Variants in NOL4L observed in about 807,000 individuals in gnomAD.
NOL4L encodes nucleolar protein 4 like, also known as nucleolar protein 4-like.
NOL4L carries 7 observed loss-of-function variants against 64.5 expected under a neutral mutation model. That is an observed-to-expected ratio of 0.11 (90% CI 0.06 to 0.20). NOL4L has a LOEUF of 0.20. Ranked by LOEUF, NOL4L falls within the 10% of genes least tolerant of loss-of-function variation. The pLI, the probability that NOL4L is intolerant of heterozygous loss-of-function variation, is 1.00. For synonymous variants in NOL4L, 413 were observed against 401.0 expected (o/e 1.03, Z -0.36); for missense variants, 680 against 967.1 (o/e 0.70, Z 3.94).
chr20:32,487,200 A>G (rs1239120808), intron 4 of NOL4L, among the ~76,000 whole-genome samples: 1 of 152,134 alleles, frequency 6.6e-6, no homozygotes, highest in African/African-American at 2.4e-5. Flanking sequence ...CCCAGGAAGC[A>G]GAGGTTGCAG....
Position 32,463,267 on chromosome 20 carries a change from T to A in NOL4L, c.842-6872A>T, listed in dbSNP as rs1433809673. ...TGGAGCTGGAAGTGGAACCTAAGGG[T>A]GCCCAGGTGACCTCTTGTCCCCACC... On this transcript the variant is annotated intron_variant, in intron 5 of 10. Transcript: ENST00000621426. This position sits in a 1 kb window ranked among gnomAD's most constrained non-coding sequence, Gnocchi z 5.8. 6.6e-6 allele frequency among the ~76,000 whole-genome samples: 1 copy of A among 152,060 alleles called. No individual in the cohort carries two copies. The highest frequency in any genetic ancestry group is 2.4e-5 in the African/African-American group (1 of 41,416).
intron 3 of NOL4L, among the ~76,000 whole-genome samples, chr20:32,517,178 A>C (rs2017706255): frequency 6.6e-6 from 1 of 152,156 alleles, no homozygotes; most frequent in Non-Finnish European, 1.5e-5. Context: ...GAGACCGCTG[A>C]GCAAAGGAGG....
At chr20:32,573,665 C>A in intron 1 of NOL4L, 1 of 220,130 alleles carries the variant, frequency 4.5e-6, no homozygotes, top group East Asian at 1.2e-4. Flanking sequence ...GGGGAAGTAA[C>A]TTACCCAAGA....
intron 1 of NOL4L, among the ~76,000 whole-genome samples, chr20:32,553,104 C>T (rs555551384): frequency 6.6e-6 from 1 of 152,290 alleles, no homozygotes; most frequent in African/African-American, 2.4e-5. Flanking sequence ...AAGGTTTCAG[C>T]ACCGCCCCAT....
chr20:32,448,087 C>T (rs952394507), intron 10 of NOL4L, among the ~76,000 whole-genome samples: 1 of 152,170 alleles, frequency 6.6e-6, no homozygotes, highest in Admixed American at 6.5e-5. Context: ...AAAGGAACTC[C>T]TAAGATCTGC....
At chr20:32,541,479 C>T (rs1417594801) in intron 1 of NOL4L, among the ~76,000 whole-genome samples, 1 of 152,240 alleles carries the variant, frequency 6.6e-6, no homozygotes, top group Non-Finnish European at 1.5e-5. Flanking sequence ...GAGCCAAGCT[C>T]CAGCCACCTT....
intron 4 of NOL4L, among the ~76,000 whole-genome samples, chr20:32,486,293 C>T (rs2016083643): frequency 6.6e-6 from 1 of 152,202 alleles, no homozygotes; most frequent in African/African-American, 2.4e-5. Flanking sequence ...ATCGGGTGAC[C>T]TAGTTTCTTG....
Position 32,460,541 on chromosome 20 carries a change from C to T in NOL4L, c.842-4146G>A, listed in dbSNP as rs1207396890. 6.6e-6 allele frequency among the ~76,000 whole-genome samples: 1 copy of T among 152,222 alleles called. No homozygotes were observed. Among genetic ancestry groups the T allele is most frequent in the Non-Finnish European group, 1.5e-5 (1 of 68,036 alleles). On this transcript the variant is annotated intron_variant, in intron 5 of 10. Coordinates refer to ENST00000621426, the MANE Select transcript of NOL4L (RefSeq NM_001256798.2). This position sits in a 1 kb window ranked among gnomAD's most constrained non-coding sequence, Gnocchi z 5.7. ...AGGCTACTCCACCTTCTGGAGCCTC[C>T]GTTTCCTTTCAGAGTGGGTCCCACA...
chr20:32,567,472 G>A (rs1324578613), intron 1 of NOL4L, among the ~76,000 whole-genome samples: 1 of 152,156 alleles, frequency 6.6e-6, no homozygotes, highest in Admixed American at 6.5e-5. Flanking sequence ...GAGGAGCCAG[G>A]GCACCATTTG....
At chr20:32,547,167 G>A (rs1460937833) in intron 1 of NOL4L, among the ~76,000 whole-genome samples, 1 of 152,184 alleles carries the variant, frequency 6.6e-6, no homozygotes, top group Non-Finnish European at 1.5e-5. Flanking sequence ...AGCCCCAGGA[G>A]GTTGGGACAA....
At chr20:32,480,569 C>T (rs1917166200) in intron 4 of NOL4L, among the ~76,000 whole-genome samples, 1 of 152,162 alleles carries the variant, frequency 6.6e-6, no homozygotes, top group African/African-American at 2.4e-5. Context: ...AGGCCCCTTC[C>T]AGGCCCTGGA....
At chr20:32,481,835 G>A (rs1411407365) in intron 4 of NOL4L, among the ~76,000 whole-genome samples, 3 of 152,136 alleles carry the variant, frequency 2.0e-5, no homozygotes, top group East Asian at 3.9e-4. Flanking sequence ...TCCAGAATCC[G>A]GCCTGTGTCA....
chr20:32,500,561 G>A (rs1375769505), intron 4 of NOL4L, among the ~76,000 whole-genome samples: 2 of 136,166 alleles, frequency 1.5e-5, no homozygotes, highest in African/African-American at 2.7e-5. Flanking sequence ...TTTTTTACTA[G>A]AGACATGGTT....
chr20:32,470,017 C>T (rs189829216), intron 5 of NOL4L, among the ~76,000 whole-genome samples: 141 of 152,366 alleles, frequency 9.3e-4, no homozygotes, highest in African/African-American at 3.3e-3. Context: ...CTGAGAGGCG[C>T]ACACACCAGG....
At chr20:32,556,278 G>C (rs559946790) in intron 1 of NOL4L, among the ~76,000 whole-genome samples, 46 of 152,142 alleles carry the variant, frequency 3.0e-4, no homozygotes, top group Non-Finnish European at 5.1e-4. Context: ...CCTTTGTGGG[G>C]GGGGGGGGTT....
chr20:32,512,031 A>G (rs895306430), intron 3 of NOL4L, among the ~76,000 whole-genome samples: 26 of 151,922 alleles, frequency 1.7e-4, no homozygotes, highest in African/African-American at 6.3e-4. Flanking sequence ...AAACAAAAAA[A>G]CCCAGCAAAC....
At position 32,456,338 on chromosome 20, in the gene NOL4L, G is replaced by A. The variant is rs370229637; in HGVS notation, c.899C>T (p.Thr300Met). The change falls in exon 6 of 11, where the codon ACG (threonine) becomes ATG (methionine). Residue 300 changes from threonine (T) to methionine (M), a missense_variant. By Grantham distance (81) the Thr-to-Met change is moderately conservative. Transcript: ENST00000621426. Reference protein sequence around the residue: ...GNGSSTLNPSTSSSTQGDPAF... With the variant: ...GNGSSTLNPSMSSSTQGDPAF... ...AGGGTCGCCCTGCGTGCTGCTCGAC[G>A]TGGATGGGTTCAGGGTGGAGGAGCC... 9.7e-6 allele frequency: 15 copies of A among 1,543,774 alleles called. No homozygotes were observed. The highest frequency in any genetic ancestry group is 1.2e-5 in the Non-Finnish European group (14 of 1,141,702).
chr20:32,463,751 C>T lies in NOL4L; in HGVS notation c.842-7356G>A, dbSNP rs1415150407. On this transcript the variant is annotated intron_variant, in intron 5 of 10. Transcript: ENST00000621426. The surrounding 1 kb of genome is among the most constrained non-coding windows in gnomAD (Gnocchi z 5.8). ...ATGTGGGCGCCAGTGCCCCGCAGCC[C>T]GCACAAGCCCAGCTCTGTGCGAACC... is the stretch of plus-strand genomic sequence containing the variant. Among the ~76,000 whole-genome samples the T allele has an allele frequency of 6.6e-6, 1 of 152,186 alleles. No individual in the cohort carries two copies. The highest frequency in any genetic ancestry group is 1.5e-5 in the Non-Finnish European group (1 of 68,034).
chr20:32,531,517 T>G (rs1298550788), intron 1 of NOL4L, among the ~76,000 whole-genome samples: 1 of 152,082 alleles, frequency 6.6e-6, no homozygotes, highest in African/African-American at 2.4e-5. Flanking sequence ...CACACCTGGC[T>G]AATTTTTGTA....
Sources: gnomAD v4.1 joint callset for allele counts (sites outside exome capture counted in the v4.1 genomes callset) on GRCh38, gnomAD v4.1.1 for gene constraint, Gnocchi (gnomAD v3.1) non-coding constraint, MANE v1.5 for transcripts, NCBI Gene and HGNC (gene_info 2026-07-23, HGNC 2026-07-21) for gene names.